The following GABRG3 variants were observed in gnomAD, a reference collection of about 807,000 sequenced individuals.
The protein encoded by GABRG3 is gamma-aminobutyric acid receptor subunit gamma-3.
GABRG3 carries 25 observed loss-of-function variants against 48.8 expected under a neutral mutation model. The observed-to-expected ratio is 0.51, with a 90% CI of 0.37 to 0.72. GABRG3 has a LOEUF of 0.72. Ranked by LOEUF, GABRG3 falls within the 30% of genes least tolerant of loss-of-function variation. GABRG3 has a pLI of 0.00. For synonymous variants in GABRG3, 227 were observed against 217.6 expected (o/e 1.04, Z -0.38); for missense variants, 394 against 577.9 (o/e 0.68, Z 3.26).
At chr15:27,304,923 T>C (rs937812853) in intron 3 of GABRG3, among the ~76,000 whole-genome samples, 2 of 151,974 alleles carry the variant, frequency 1.3e-5, no homozygotes, top group African/African-American at 2.4e-5. Flanking sequence ...TTTGCATTTT[T>C]TTCTCCCATT....
At chr15:26,984,971 T>C (rs924594250) in intron 2 of GABRG3, among the ~76,000 whole-genome samples, 2 of 152,248 alleles carry the variant, frequency 1.3e-5, no homozygotes, top group African/African-American at 4.8e-5. Flanking sequence ...CTTGGCCGTA[T>C]CAATGGCTAG....
rs1566770977 is a variant in GABRG3 at position 27,307,363 on chromosome 15, C to CCATAGGTTTATATATGTTTATATATAAA, written c.271-19442_271-19441insGGTTTATATATGTTTATATATAAACATA. On this transcript the variant is annotated intron_variant, in intron 3 of 9. Coordinates refer to ENST00000615808, the MANE Select transcript of GABRG3 (RefSeq NM_033223.5). ...TAGGTTTATATATGTTTATATATAA[C>CCATAGGTTTATATATGTTTATATATAAA]CATATAGGTTTATATATTTATATAT... Among the ~76,000 whole-genome samples, 93 of 25,816 alleles carry CCATAGGTTTATATATGTTTATATATAAA rather than the reference C, an allele frequency of 3.6e-3. 15 individuals carry two copies. Among genetic ancestry groups the CCATAGGTTTATATATGTTTATATATAAA allele is most frequent in the African/African-American group, 6.7e-3 (43 of 6,466 alleles). 16.9% of individuals were successfully genotyped at this position (25,816 alleles called of 152,430 possible).
At chr15:27,030,982 AT>A (rs1409265621) in intron 3 of GABRG3, among the ~76,000 whole-genome samples, 1 of 152,004 alleles carries the variant, frequency 6.6e-6, no homozygotes, top group Non-Finnish European at 1.5e-5. Flanking sequence ...AAATTAATAA[AT>A]TTTTTGAGCA....
intron 3 of GABRG3, among the ~76,000 whole-genome samples, chr15:27,037,646 A>T (rs1161073606): frequency 6.6e-6 from 1 of 152,156 alleles, no homozygotes; most frequent in Non-Finnish European, 1.5e-5. Context: ...GAAGGTGCTT[A>T]TTAAGGGCCA....
In GABRG3 at chr15:26,979,251, T is replaced by C. The variant is rs567687020; in HGVS notation, c.202+2101T>C. Among the ~76,000 whole-genome samples the C allele has an allele frequency of 5.9e-5, 9 of 152,332 alleles. No individual in the cohort carries two copies. In the South Asian group the frequency reaches 1.9e-3, roughly 32 times the overall value. On this transcript the variant is annotated intron_variant, in intron 2 of 9. Transcript: ENST00000615808. ...TTGTTTGTTTGTTTTGTAGGTTCCT[T>C]GGCATTTTCTATGTACACCATCATT...
At chr15:27,055,250 G>A (rs1009322552) in intron 3 of GABRG3, among the ~76,000 whole-genome samples, 1 of 152,010 alleles carries the variant, frequency 6.6e-6, no homozygotes. Flanking sequence ...AGCACGTCCC[G>A]GGCTTTCACC....
At chr15:27,344,043 C>T (rs985444386) in intron 5 of GABRG3, among the ~76,000 whole-genome samples, 8 of 152,208 alleles carry the variant, frequency 5.3e-5, no homozygotes, top group African/African-American at 1.7e-4. Flanking sequence ...GAGGATGATG[C>T]TTGCATAAAA....
chr15:27,474,614 A>AC (rs1889880318), intron 5 of GABRG3, among the ~76,000 whole-genome samples: 1 of 152,148 alleles, frequency 6.6e-6, no homozygotes, highest in Non-Finnish European at 1.5e-5. Flanking sequence ...TGATTTGGGG[A>AC]CCCTGAAGCC....
intron 3 of GABRG3, among the ~76,000 whole-genome samples, chr15:27,307,975 CAT>C (rs201131213): frequency 0.014 from 1,871 of 132,104 alleles, 69 homozygotes; most frequent in African/African-American, 0.046. Flanking sequence ...TATATATAAA[CAT>C]ATATAAAATA....
At chr15:27,308,004 A>G (rs1892737683) in intron 3 of GABRG3, among the ~76,000 whole-genome samples, 1 of 139,650 alleles carries the variant, frequency 7.2e-6, no homozygotes, top group South Asian at 2.3e-4. Flanking sequence ...TACGTTTATA[A>G]TAAACGTATA....
chr15:27,283,995 G>A (rs1255035289), intron 3 of GABRG3, among the ~76,000 whole-genome samples: 4 of 152,176 alleles, frequency 2.6e-5, no homozygotes, highest in African/African-American at 9.7e-5. Context: ...TAGAGACTTA[G>A]ACTTTCTTCT....
At chr15:27,145,037 G>T (rs981501936) in intron 3 of GABRG3, among the ~76,000 whole-genome samples, 5 of 152,108 alleles carry the variant, frequency 3.3e-5, no homozygotes, top group African/African-American at 4.8e-5. Context: ...GGGAGAAAAA[G>T]GAATTTGATA....
intron 3 of GABRG3, among the ~76,000 whole-genome samples, chr15:27,291,265 C>A (rs531653290): frequency 1.4e-4 from 22 of 152,268 alleles, no homozygotes; most frequent in African/African-American, 5.1e-4. Context: ...GAAAGTAGAT[C>A]AATGGTTAAT....
chr15:27,124,963 C>T (rs1220892218), intron 3 of GABRG3, among the ~76,000 whole-genome samples: 1 of 152,178 alleles, frequency 6.6e-6, no homozygotes. Context: ...CCTCAGCGCA[C>T]TCTGGTACTA....
intron 5 of GABRG3, among the ~76,000 whole-genome samples, chr15:27,476,291 G>A (rs1889938200): frequency 6.6e-6 from 1 of 152,068 alleles, no homozygotes; most frequent in South Asian, 2.1e-4. Flanking sequence ...AGAAAAGCAT[G>A]CCACACACAA....
intron 3 of GABRG3, among the ~76,000 whole-genome samples, chr15:27,174,266 T>G (rs1380566486): frequency 1.3e-5 from 2 of 152,232 alleles, no homozygotes; most frequent in African/African-American, 4.8e-5. Context: ...TTGAGACATG[T>G]CCTTGATTCT....
At chr15:27,167,785 T>A (rs1292697658) in intron 3 of GABRG3, among the ~76,000 whole-genome samples, 1 of 152,114 alleles carries the variant, frequency 6.6e-6, no homozygotes, top group African/African-American at 2.4e-5. Context: ...AGAAAGTGAC[T>A]CTCTCTGATT....
intron 3 of GABRG3, among the ~76,000 whole-genome samples, chr15:27,320,803 C>T (rs569144201): frequency 6.7e-4 from 102 of 152,228 alleles, no homozygotes; most frequent in African/African-American, 2.3e-3. Flanking sequence ...TAAAATATGA[C>T]ATTTTTCTCA....
intron 5 of GABRG3, among the ~76,000 whole-genome samples, chr15:27,427,384 A>G (rs1476040887): frequency 6.6e-6 from 1 of 152,188 alleles, no homozygotes; most frequent in Admixed American, 6.5e-5. Context: ...TTGCTATTAG[A>G]AAGTCTGTGT....
Sources: allele counts gnomAD v4.1 joint callset (sites outside exome capture counted in the v4.1 genomes callset), GRCh38; gene constraint gnomAD v4.1.1; transcripts MANE v1.5; gene names NCBI Gene and HGNC (gene_info 2026-07-23, HGNC 2026-07-21).